Variants in FCER1A observed in about 807,000 individuals in gnomAD.
The protein encoded by FCER1A is Fc epsilon receptor Ia.
Under a neutral mutation model 23.6 loss-of-function variants are expected in FCER1A, and 24 were observed. The ratio of observed to expected loss-of-function variants is 1.02; its 90% CI spans 0.74 to 1.43. The LOEUF is 1.43. FCER1A is among the 40% of genes most tolerant of loss of function. The probability of loss-of-function intolerance (pLI) is 0.00; values close to 1 mark genes in which losing one functional copy is unlikely to be tolerated. For synonymous variants in FCER1A, 121 were observed against 108.8 expected, an observed-to-expected ratio of 1.11 and a Z score of -0.70; for missense variants, 318 against 294.5, an observed-to-expected ratio of 1.08 and a Z score of -0.58.
intron 1 of FCER1A, among the ~76,000 whole-genome samples, chr1:159,290,852 A>T (rs1268948794): frequency 7.8e-6 from 1 of 128,674 alleles, no homozygotes; most frequent in Non-Finnish European, 1.6e-5. Flanking sequence ...TAATAAAGTC[A>T]TTGTGGTTTG....
rs776729474 is a variant in FCER1A, at chr1:159,306,251, T to G, written c.589+6T>G. The G allele has an allele frequency of 1.9e-6, 3 of 1,611,368 alleles. No homozygotes were observed. Among genetic ancestry groups the G allele is most frequent in the Non-Finnish European group, 2.5e-6 (3 of 1,178,626 alleles). ...CAACATTACTGTAATAAAAGGTGAG[T>G]TGGTAAAGGAAAGGAAAAGCATCCA... is the stretch of plus-strand genomic sequence containing the variant. On this transcript the variant is annotated splice_donor_region_variant and intron_variant, in intron 4 of 4. Transcript: ENST00000693622.
chr1:159,294,359 G>T lies in FCER1A; in HGVS notation c.-60+4606G>T, dbSNP rs1652240766. Among the ~76,000 whole-genome samples, 3 of 152,086 alleles carry T rather than the reference G, an allele frequency of 2.0e-5. No homozygotes were observed. The South Asian group carries it at 6.2e-4, about 31-fold the overall frequency. ...TCTCCAAAGTCTTTCTTTTTATGGGGACTTTCAACTTCCCACTGCTTGAAA... is the reference window on the plus strand; with the variant it reads ...TCTCCAAAGTCTTTCTTTTTATGGGTACTTTCAACTTCCCACTGCTTGAAA... On this transcript the variant is annotated intron_variant, in intron 1 of 5. Coordinates refer to the FCER1A transcript ENST00000368115.
intron 4 of FCER1A, 57 bp from the exon 5 acceptor site, chr1:159,307,691 C>A (rs1389121765): frequency 1.3e-5 from 18 of 1,354,744 alleles, no homozygotes; most frequent in African/African-American, 2.9e-5. Context: ...CTCTGAACCT[C>A]ATTTTTCAGT....
intron 2 of FCER1A, 46 bp from the exon 3 acceptor site, chr1:159,303,882 C>CT (rs747226687): frequency 3.9e-6 from 6 of 1,529,594 alleles, no homozygotes; most frequent in South Asian, 3.6e-5. Flanking sequence ...TTTTCAATGA[C>CT]TTTTTTTCTC....
chr1:159,290,387 C>T (rs1021448617), intron 1 of FCER1A, among the ~76,000 whole-genome samples: 6 of 151,918 alleles, frequency 3.9e-5, no homozygotes, highest in African/African-American at 1.2e-4. Context: ...TCCTGCAAAC[C>T]CTAGCAGTGT....
chr1:159,296,287 T>C (rs866937936), intron 1 of FCER1A, among the ~76,000 whole-genome samples: 4 of 152,286 alleles, frequency 2.6e-5, no homozygotes, highest in South Asian at 2.1e-4. Flanking sequence ...TACACACACA[T>C]ATATTTTTTA....
rs1652661127 is a variant in FCER1A, at chr1:159,307,818, A to G, written c.660A>G (p.Thr220=). The G allele has an allele frequency of 4.3e-6, 7 of 1,613,332 alleles. No individual in the cohort carries two copies. The East Asian group carries it at 1.6e-4, about 36-fold the overall frequency. ...TGGTGATTCTGTTTGCTGTGGACAC[A>G]GGATTATTTATCTCAACTCAGCAGC... is the stretch of plus-strand genomic sequence containing the variant. ...LLVVILFAVD[T]GLFISTQQQV... Residue 220 remains threonine, a synonymous_variant, in exon 5 of 5, where the codon ACA becomes ACG. Coordinates refer to ENST00000693622, the MANE Select transcript of FCER1A (RefSeq NM_001387280.1).
intron 1 of FCER1A, among the ~76,000 whole-genome samples, chr1:159,297,056 T>G (rs1441370285): frequency 6.6e-6 from 1 of 152,182 alleles, no homozygotes; most frequent in African/African-American, 2.4e-5. Context: ...CCTAAAAGGA[T>G]TCCTTTAAGA....
chr1:159,290,411 A>T (rs1446767599), intron 1 of FCER1A, among the ~76,000 whole-genome samples: 1 of 151,992 alleles, frequency 6.6e-6, no homozygotes, highest in Non-Finnish European at 1.5e-5. Context: ...ATTCTCCATC[A>T]GTACCCTAGC....
At chr1:159,303,876 C>T in intron 2 of FCER1A, 52 bp from the exon 3 acceptor site, 2 of 1,466,798 alleles carry the variant, frequency 1.4e-6, no homozygotes, top group Admixed American at 1.9e-5. Context: ...AGACAGTTTT[C>T]AATGACTTTT....
intron 1 of FCER1A, among the ~76,000 whole-genome samples, chr1:159,291,060 AT>A (rs60258007): frequency 0.13 from 19,092 of 152,134 alleles, 1,932 homozygotes; most frequent in East Asian, 0.46. Flanking sequence ...TTGAAACAAG[AT>A]TTTTTTCTAG....
At position 159,305,992 on chromosome 1, in the gene FCER1A, G is replaced by A; in HGVS notation, c.336G>A (p.Trp112Ter). The change falls in exon 4 of 5, where the codon TGG (tryptophan) becomes TGA (stop). Residue 112 changes from tryptophan (W) to a stop codon, truncating the protein, a stop_gained. Transcript: ENST00000693622. LOFTEE classifies it high-confidence loss of function. ...AATGTAATGAATGTTCTTCAGACTGGCTGCTCCTTCAGGCCTCTGCTGAGG... is the reference window on the plus strand; with the variant it reads ...AATGTAATGAATGTTCTTCAGACTGACTGCTCCTTCAGGCCTCTGCTGAGG... ...EPVYLEVFSD[W>*]LLLQASAEVV... 1 of 1,613,236 alleles carries A rather than the reference G, an allele frequency of 6.2e-7. No homozygotes were observed. Among genetic ancestry groups the A allele is most frequent in the Non-Finnish European group, 8.5e-7 (1 of 1,179,638 alleles).
upstream of FCER1A, among the ~76,000 whole-genome samples, chr1:159,286,333 C>A (rs1044791085): frequency 6.6e-6 from 1 of 151,356 alleles, no homozygotes; most frequent in Non-Finnish European, 1.5e-5. Flanking sequence ...TAAATTTTGT[C>A]TAAATCATTT....
At chr1:159,293,548 C>G (rs974368496) in intron 1 of FCER1A, among the ~76,000 whole-genome samples, 2 of 108,028 alleles carry the variant, frequency 1.9e-5, no homozygotes, top group Admixed American at 2.3e-4. Flanking sequence ...CCCCCCTCCC[C>G]CCACCCCACA....
Position 159,306,011 on chromosome 1 carries a change from G to A in FCER1A, c.355G>A (p.Ala119Thr). 1 of 1,613,758 alleles carries A rather than the reference G, an allele frequency of 6.2e-7. No homozygotes were observed. Among genetic ancestry groups the A allele is most frequent in the South Asian group, 1.1e-5 (1 of 91,018 alleles). The stretch of plus-strand genomic sequence containing the variant: ...AGACTGGCTGCTCCTTCAGGCCTCT[G>A]CTGAGGTGGTGATGGAGGGCCAGCC... ...FSDWLLLQAS[A>T]EVVMEGQPLF... Residue 119 changes from alanine (A) to threonine (T), a missense_variant, in exon 4 of 5, where the codon GCT becomes ACT. Transcript: ENST00000693622.
At chr1:159,299,166 C>A (rs1052354047), upstream of FCER1A, among the ~76,000 whole-genome samples, 1 of 152,120 alleles carries the variant, frequency 6.6e-6, no homozygotes, top group Non-Finnish European at 1.5e-5. Flanking sequence ...GCATAGTTAG[C>A]CTTGTATTTG....
At chr1:159,293,876 A>C (rs2102218828) in intron 1 of FCER1A, among the ~76,000 whole-genome samples, 2 of 152,148 alleles carry the variant, frequency 1.3e-5, no homozygotes, top group South Asian at 4.2e-4. Flanking sequence ...TACAAGAAAA[A>C]AAACAAACAA....
Position 159,306,717 on chromosome 1 carries a change from C to T in FCER1A, c.589+472C>T, listed in dbSNP as rs192406835. ...ACCAGCAAGTCAGTAAGCTGTGTGC[C>T]TGTGTATTGAGGGAGGAGGGAATGG... On this transcript the variant is annotated intron_variant, in intron 4 of 4. Coordinates refer to ENST00000693622, the MANE Select transcript of FCER1A (RefSeq NM_001387280.1). Among the ~76,000 whole-genome samples the T allele has an allele frequency of 2.6e-4, 39 of 152,186 alleles. 2 individuals carry two copies. Among genetic ancestry groups the T allele is most frequent in the African/African-American group, 9.4e-4 (39 of 41,524 alleles).
chr1:159,305,380 C>T (rs1053100495), intron 3 of FCER1A, among the ~76,000 whole-genome samples: 27 of 152,120 alleles, frequency 1.8e-4, no homozygotes, highest in African/African-American at 6.5e-4. Context: ...TTGTTGAGTA[C>T]CTACCAACTC....
Sources: gnomAD v4.1 joint callset for allele counts (sites outside exome capture counted in the v4.1 genomes callset) on GRCh38, gnomAD v4.1.1 for gene constraint, MANE v1.5 for transcripts, NCBI Gene and HGNC (gene_info 2026-07-23, HGNC 2026-07-21) for gene names.